The following NUP205 variants were observed in gnomAD, a reference collection of about 807,000 sequenced individuals.
NUP205 encodes nucleoporin 205, also known as nuclear pore complex protein Nup205.
A neutral mutation model predicts 253.8 loss-of-function variants in NUP205; 76 were observed. The ratio of observed to expected loss-of-function variants is 0.30; its 90% CI spans 0.25 to 0.36. The LOEUF (loss-of-function observed/expected upper bound fraction) is 0.36. Ranked by LOEUF, NUP205 falls within the 10% of genes least tolerant of loss-of-function variation. NUP205 has a pLI of 1.00. For synonymous variants in NUP205, 832 were observed against 850.1 expected (o/e 0.98, Z 0.37); for missense variants, 2,162 against 2,425.5 (o/e 0.89, Z 2.28).
chr7:135,567,997 G>A (rs1805833597), intron 1 of NUP205, among the ~76,000 whole-genome samples: 1 of 152,142 alleles, frequency 6.6e-6, no homozygotes, highest in South Asian at 2.1e-4. Context: ...AGGCCGAGGT[G>A]GGCAGATTGC....
chr7:135,587,899 T>C lies in NUP205; in HGVS notation c.1380T>C (p.Ala460=). 1 of 1,614,006 alleles carries C rather than the reference T, an allele frequency of 6.2e-7. No individual in the cohort carries two copies. Among genetic ancestry groups the C allele is most frequent in the Non-Finnish European group, 8.5e-7 (1 of 1,179,926 alleles). Residue 460 remains alanine, a synonymous_variant, in exon 10 of 43, where the codon GCT becomes GCC. Coordinates refer to ENST00000285968, the MANE Select transcript of NUP205 (RefSeq NM_015135.3). ...YKKNPFHLEL[A]LEYWCPTEPL... ...AGAACCCTTTTCATCTGGAGCTTGC[T>C]CTAGAATATTGGTGTCCCACAGAGC...
chr7:135,622,997 G>A (rs1347384760), intron 31 of NUP205, 72 bp downstream of exon 31: 31 of 1,485,656 alleles, frequency 2.1e-5, no homozygotes, highest in African/African-American at 2.8e-5. Flanking sequence ...CTGATTCACG[G>A]CTGGGTGTGG....
At chr7:135,637,882 G>A in intron 36 of NUP205, 49 bp from the exon 37 acceptor site, 1 of 1,547,714 alleles carries the variant, frequency 6.5e-7, no homozygotes, top group Non-Finnish European at 8.7e-7. Context: ...TCAAGAAAGA[G>A]AGGTTACTAA....
intron 3 of NUP205, among the ~76,000 whole-genome samples, chr7:135,575,762 C>G (rs1806133816): frequency 6.6e-6 from 1 of 152,006 alleles, no homozygotes; most frequent in African/African-American, 2.4e-5. Context: ...TGCACTCCAG[C>G]CTAGGTGACA....
intron 1 of NUP205, among the ~76,000 whole-genome samples, chr7:135,559,958 A>G (rs954441967): frequency 3.3e-5 from 5 of 151,594 alleles, no homozygotes; most frequent in Non-Finnish European, 7.4e-5. Flanking sequence ...TCCTGGGTTC[A>G]AGCGATTCCC....
Position 135,629,340 on chromosome 7 carries a change from G to T in NUP205, c.4933-1004G>T, listed in dbSNP as rs553117677. Among the ~76,000 whole-genome samples, 5 of 152,154 alleles carry T rather than the reference G, an allele frequency of 3.3e-5. No homozygotes were observed. The South Asian group carries it at 1.0e-3, about 32-fold the overall frequency. On this transcript the variant is annotated intron_variant, in intron 34 of 42. Transcript: ENST00000285968. ...GGATTTATATCTCCTTTTTTTAACC[G>T]CATCAAAAGGAGAGTTATGGCCAGG...
chr7:135,574,692 G>A (rs1419664085), intron 3 of NUP205, among the ~76,000 whole-genome samples: 3 of 152,174 alleles, frequency 2.0e-5, no homozygotes, highest in East Asian at 3.8e-4. Flanking sequence ...TATTCTAATT[G>A]CAATAGAAAG....
At chr7:135,627,341 G>C (rs143639845) in intron 33 of NUP205, among the ~76,000 whole-genome samples, 76 of 152,262 alleles carry the variant, frequency 5.0e-4, no homozygotes, top group African/African-American at 1.7e-3. Context: ...TACAGATTGA[G>C]CTTCTCTAAT....
At chr7:135,606,418 T>C (rs1453150296) in intron 20 of NUP205, among the ~76,000 whole-genome samples, 192 bp downstream of exon 20, 1 of 152,186 alleles carries the variant, frequency 6.6e-6, no homozygotes, top group Non-Finnish European at 1.5e-5. Flanking sequence ...AACATGACTC[T>C]CAAAGGAAAT....
At chr7:135,600,844 A>C (rs776584845) in intron 15 of NUP205, 26 bp from the exon 16 acceptor site, 1 of 1,411,156 alleles carries the variant, frequency 7.1e-7, no homozygotes, top group South Asian at 1.2e-5. Flanking sequence ...TTTTATTGTT[A>C]TTGACCTATT....
intron 22 of NUP205, among the ~76,000 whole-genome samples, chr7:135,611,286 A>G (rs544393026): frequency 4.7e-4 from 71 of 152,290 alleles, no homozygotes; most frequent in South Asian, 6.2e-4. Context: ...CTGGGATTAC[A>G]TGCGTGAGTC....
At chr7:135,618,669 G>C in intron 28 of NUP205, 66 bp downstream of exon 28, 1 of 1,373,678 alleles carries the variant, frequency 7.3e-7, no homozygotes, top group Non-Finnish European at 9.9e-7. Flanking sequence ...ATATATTTTG[G>C]CATCCTAATT....
rs79189819 is a variant in NUP205, at chr7:135,576,582, T to C, written c.488+168T>C. On this transcript the variant is annotated intron_variant, in intron 4 of 42. Transcript: ENST00000285968. ...ATTTAAACCTGTTTTATTGTGTTTA[T>C]AAATAAAAAATAATTTGGACCGAGG... Among the ~76,000 whole-genome samples, 3,815 of 152,296 alleles carry C rather than the reference T, an allele frequency of 0.025. 80 individuals carry two copies. The highest frequency in any genetic ancestry group is 0.077 in the South Asian group (372 of 4,820).
intron 8 of NUP205, among the ~76,000 whole-genome samples, 195 bp downstream of exon 8, chr7:135,585,202 A>G (rs1806423781): frequency 6.6e-6 from 1 of 152,098 alleles, no homozygotes; most frequent in Admixed American, 6.6e-5. Context: ...AAGATATGAG[A>G]ACATACCTTG....
At chr7:135,567,151 T>C (rs1805798055) in intron 1 of NUP205, among the ~76,000 whole-genome samples, 1 of 86,352 alleles carries the variant, frequency 1.2e-5, no homozygotes, top group South Asian at 3.4e-4. Flanking sequence ...TATATATATA[T>C]ATATATATAT....
chr7:135,597,944 CACTTCATAGCTA>C, intron 14 of NUP205, 42 bp from the exon 15 acceptor site: 1 of 1,365,050 alleles, frequency 7.3e-7, no homozygotes, highest in South Asian at 1.2e-5. Context: ...TAATACTCTT[CACTTCATAGCTA>C]ATAGTTTTTA....
intron 1 of NUP205, among the ~76,000 whole-genome samples, chr7:135,564,066 C>G (rs550365466): frequency 6.6e-6 from 1 of 151,578 alleles, no homozygotes; most frequent in South Asian, 2.1e-4. Flanking sequence ...TTGCGGCTAC[C>G]TTTGGTGTTT....
intron 35 of NUP205, among the ~76,000 whole-genome samples, chr7:135,632,013 G>A (rs945082816): frequency 6.6e-6 from 1 of 152,084 alleles, no homozygotes; most frequent in African/African-American, 2.4e-5. Context: ...CCAAAGTGCT[G>A]GGATTGCAGG....
At chr7:135,603,080 A>C in intron 18 of NUP205, 86 bp downstream of exon 18, 1 of 859,284 alleles carries the variant, frequency 1.2e-6, no homozygotes, top group Admixed American at 3.1e-5. Context: ...TATCTAGTGC[A>C]TCACCTTTTT....
Sources: gnomAD v4.1 joint callset for allele counts (sites outside exome capture counted in the v4.1 genomes callset) on GRCh38, gnomAD v4.1.1 for gene constraint, MANE v1.5 for transcripts, NCBI Gene and HGNC (gene_info 2026-07-23, HGNC 2026-07-21) for gene names.